The following LRIG1 variants were observed in gnomAD, a reference collection of about 807,000 sequenced individuals.
LRIG1 encodes leucine-rich repeats and immunoglobulin-like domains protein 1.
In LRIG1, 48 loss-of-function variants were observed where a neutral mutation model predicts 99.2. The ratio of observed to expected loss-of-function variants is 0.48; its 90% confidence interval spans 0.38 to 0.62. The LOEUF (loss-of-function observed/expected upper bound fraction) is 0.62, where lower values mean the gene tolerates loss of function less well. Ranked by LOEUF, LRIG1 falls within the 20% of genes least tolerant of loss-of-function variation. The pLI, the probability that LRIG1 is intolerant of heterozygous loss-of-function variation, is 0.00. For synonymous variants in LRIG1, 772 were observed against 596.1 expected, an observed-to-expected ratio of 1.29 and a Z score of -4.30; for missense variants, 1,646 against 1,434.4, an observed-to-expected ratio of 1.15 and a Z score of -2.38.
intron 7 of LRIG1, among the ~76,000 whole-genome samples, chr3:66,408,026 G>A (rs1469408707): frequency 6.6e-6 from 1 of 152,214 alleles, no homozygotes; most frequent in Admixed American, 6.5e-5. Flanking sequence ...GGAGGCTCCT[G>A]CTCAGGCCTC....
chr3:66,381,882 C>T (rs371835019), intron 16 of LRIG1, among the ~76,000 whole-genome samples: 47 of 152,268 alleles, frequency 3.1e-4, no homozygotes, highest in African/African-American at 1.1e-3. Context: ...AGGCCCCCAC[C>T]GTTGGAAGTA....
chr3:66,429,323 T>C (rs1703082612), intron 3 of LRIG1, among the ~76,000 whole-genome samples: 2 of 152,214 alleles, frequency 1.3e-5, no homozygotes, highest in Admixed American at 6.5e-5. Context: ...ACCACTGTTC[T>C]GTGAAGTCTA....
intron 3 of LRIG1, among the ~76,000 whole-genome samples, chr3:66,421,395 G>C (rs566654288): frequency 1.3e-5 from 2 of 152,344 alleles, no homozygotes; most frequent in South Asian, 4.1e-4. Flanking sequence ...AGGGGTATCA[G>C]TATTGGGTAA....
chr3:66,385,920 G>C, intron 13 of LRIG1, 61 bp downstream of exon 13: 1 of 1,442,150 alleles, frequency 6.9e-7, no homozygotes, highest in African/African-American at 1.4e-5. Context: ...AAAGCTGAAA[G>C]GGCAATCAGG....
At chr3:66,430,047 T>A (rs1052905961) in intron 3 of LRIG1, among the ~76,000 whole-genome samples, 1 of 152,228 alleles carries the variant, frequency 6.6e-6, no homozygotes, top group East Asian at 1.9e-4. Context: ...GAATAACGCT[T>A]AGAACTTAAA....
At chr3:66,456,841 G>A (rs1700233594) in intron 2 of LRIG1, among the ~76,000 whole-genome samples, 1 of 152,170 alleles carries the variant, frequency 6.6e-6, no homozygotes. Flanking sequence ...TCGCGGGCCA[G>A]GCGGCAGTAC....
intron 3 of LRIG1, among the ~76,000 whole-genome samples, chr3:66,422,993 G>A (rs983002868): frequency 6.6e-6 from 1 of 152,118 alleles, no homozygotes; most frequent in Non-Finnish European, 1.5e-5. Context: ...TCACTATTAT[G>A]AGAACAGCAC....
At chr3:66,461,761 C>T (rs1700359359) in intron 2 of LRIG1, among the ~76,000 whole-genome samples, 1 of 152,152 alleles carries the variant, frequency 6.6e-6, no homozygotes, top group Admixed American at 6.5e-5. Flanking sequence ...ATCCTAACAT[C>T]CACATCAAAA....
intron 1 of LRIG1, among the ~76,000 whole-genome samples, chr3:66,485,240 T>C (rs1700945556): frequency 6.6e-6 from 1 of 152,054 alleles, no homozygotes; most frequent in Admixed American, 6.6e-5. Context: ...CTACATTCCT[T>C]TTCTTTTGAA....
chr3:66,471,623 G>T (rs1041299571), intron 1 of LRIG1, among the ~76,000 whole-genome samples: 2 of 152,220 alleles, frequency 1.3e-5, no homozygotes, highest in African/African-American at 4.8e-5. Context: ...AAACCCAGAG[G>T]TTCTCTCAGT....
At chr3:66,401,594 AGGCAGG>A in intron 9 of LRIG1, 1 of 1,490,172 alleles carries the variant, frequency 6.7e-7, no homozygotes, top group East Asian at 2.5e-5. Flanking sequence ...TTGGTAGATT[AGGCAGG>A]GTCCTTACCT....
intron 3 of LRIG1, among the ~76,000 whole-genome samples, chr3:66,417,895 G>T (rs553448990): frequency 6.6e-5 from 10 of 151,892 alleles, no homozygotes; most frequent in African/African-American, 2.2e-4. Flanking sequence ...TGAACCTCCC[G>T]ACTCTACCAT....
In LRIG1 at chr3:66,382,270, T is replaced by A; in HGVS notation, c.2617+3A>T. ...CTCTGCTTCACAGTTACTGAGGCCTTACCATTGCTCTCAATGTGCCCATTG... is the reference window on the plus strand; with the variant it reads ...CTCTGCTTCACAGTTACTGAGGCCTAACCATTGCTCTCAATGTGCCCATTG... On this transcript the variant is annotated splice_donor_region_variant and intron_variant, in intron 16 of 18. Coordinates refer to ENST00000273261, the MANE Select transcript of LRIG1 (RefSeq NM_015541.3). 1 of 1,614,034 alleles carries A rather than the reference T, an allele frequency of 6.2e-7. No homozygotes were observed. Among genetic ancestry groups the A allele is most frequent in the South Asian group, 1.1e-5 (1 of 91,080 alleles).
chr3:66,385,457 T>TTTTTG (rs10664075), intron 13 of LRIG1, among the ~76,000 whole-genome samples: 84,626 of 151,300 alleles, frequency 0.56, 23,931 homozygotes, highest in East Asian at 0.81. Context: ...TAATAACTAG[T>TTTTTG]TTTTGTTTTG....
chr3:66,394,240 C>G, intron 11 of LRIG1, 37 bp from the exon 12 acceptor site: 1 of 1,527,586 alleles, frequency 6.5e-7, no homozygotes, highest in South Asian at 1.3e-5. Flanking sequence ...TCAGGTGCAG[C>G]CGCAAAGGAG....
chr3:66,401,533 G>A, intron 9 of LRIG1: 1 of 992,688 alleles, frequency 1.0e-6, no homozygotes, highest in South Asian at 1.9e-5. Flanking sequence ...GGTGACAATA[G>A]CAATAAAATA....
intron 1 of LRIG1, among the ~76,000 whole-genome samples, chr3:66,469,919 A>AAAAG (rs1253921220): frequency 1.3e-5 from 2 of 151,522 alleles, no homozygotes; most frequent in East Asian, 3.9e-4. Context: ...AAAAAAAAAA[A>AAAAG]AAAAAAAGAA....
chr3:66,409,167 A>G (rs1354493265), intron 7 of LRIG1, among the ~76,000 whole-genome samples: 2 of 152,174 alleles, frequency 1.3e-5, no homozygotes, highest in Non-Finnish European at 2.9e-5. Context: ...AATTTTTTCC[A>G]ACAGCCAAGC....
chr3:66,432,419 G>C (rs1346302621), intron 3 of LRIG1, among the ~76,000 whole-genome samples: 1 of 152,212 alleles, frequency 6.6e-6, no homozygotes, highest in Non-Finnish European at 1.5e-5. Flanking sequence ...CTTTCCAGTA[G>C]AAGGGGTGGC....
Sources: allele counts gnomAD v4.1 joint callset (sites outside exome capture counted in the v4.1 genomes callset), GRCh38; gene constraint gnomAD v4.1.1; transcripts MANE v1.5; gene names NCBI Gene and HGNC (gene_info 2026-07-23, HGNC 2026-07-21).